UACA: variants seen among roughly 807,000 people sequenced by gnomAD.
UACA encodes the protein uveal autoantigen with coiled-coil domains and ankyrin repeats.
A neutral mutation model predicts 160.5 loss-of-function variants in UACA; 112 were observed. That is an observed-to-expected ratio of 0.70 (90% CI 0.60 to 0.82). The LOEUF (loss-of-function observed/expected upper bound fraction) is 0.82, where lower values mean the gene tolerates loss of function less well. Among genes scored for constraint, UACA ranks in the 40% least tolerant of loss-of-function variants. UACA has a pLI of 0.00. For synonymous variants in UACA, 557 were observed against 568.4 expected, an observed-to-expected ratio of 0.98 and a Z score of 0.29; for missense variants, 1,574 against 1,614.6, an observed-to-expected ratio of 0.97 and a Z score of 0.43.
At chr15:70,754,041 A>G (rs1368106935) in intron 1 of UACA, 1 of 446,900 alleles carries the variant, frequency 2.2e-6, no homozygotes. Context: ...CCTGACCTCA[A>G]GTGATCCGCC....
chr15:70,687,530 A>G lies in UACA; in HGVS notation c.602+10T>C. The stretch of plus-strand genomic sequence containing the variant: ...CAGCTGGTATCTGGGAGCCATGATA[A>G]AAGAATTACCTGTTTTGTTTGTCTC... On this transcript the variant is annotated intron_variant, in intron 7 of 18. Transcript: ENST00000322954. 6 of 1,613,098 alleles carry G rather than the reference A, an allele frequency of 3.7e-6. No individual in the cohort carries two copies. The highest frequency in any genetic ancestry group is 3.3e-5 in the South Asian group (3 of 91,024).
Position 70,666,710 on chromosome 15 carries a change from T to C in UACA, c.3960+14A>G. The stretch of plus-strand genomic sequence containing the variant: ...GTTTCCAACACATAGCCGTGCAGAC[T>C]ACTTTGTACCTACCTTATTATCTTT... On this transcript the variant is annotated intron_variant, in intron 16 of 18. Transcript: ENST00000322954. 1.3e-6 allele frequency: 2 copies of C among 1,574,400 alleles called. No homozygotes were observed. The highest frequency in any genetic ancestry group is 1.2e-5 in the South Asian group (1 of 83,168).
chr15:70,767,242 AAAAAAAAAAAAAAACAAAAAAC>A (rs1318537535), upstream of UACA, among the ~76,000 whole-genome samples: 7 of 135,154 alleles, frequency 5.2e-5, no homozygotes, highest in Non-Finnish European at 1.1e-4. Flanking sequence ...TCCATCTCAA[AAAAAAAAAAAAAAACAAAAAAC>A]AAAAACAAAA....
Position 70,667,860 on chromosome 15 carries a change from C to T in UACA, c.2824G>A (p.Val942Met). 6 of 1,614,040 alleles carry T rather than the reference C, an allele frequency of 3.7e-6. No homozygotes were observed. The highest frequency in any genetic ancestry group is 5.1e-6 in the Non-Finnish European group (6 of 1,179,988). ...MSSLSQSMRK[V>M]QDSNAEILAN... is the part of the protein sequence containing the mutation. ...AAGATTTCAGCATTACTATCCTGCA[C>T]CTTTCTCATGCTCTGACTTAGCGAG... Residue 942 changes from valine (V) to methionine (M), a missense_variant, in exon 16 of 19, where the codon GTG (valine) becomes ATG (methionine). Coordinates refer to ENST00000322954, the MANE Select transcript of UACA (RefSeq NM_018003.4).
intron 1 of UACA, among the ~76,000 whole-genome samples, chr15:70,735,332 C>T (rs976785466): frequency 2.0e-5 from 3 of 151,260 alleles, no homozygotes; most frequent in African/African-American, 7.3e-5. Flanking sequence ...GCATATGTAC[C>T]CCTGAATCTA....
intron 1 of UACA, among the ~76,000 whole-genome samples, chr15:70,736,360 A>T (rs969228836): frequency 2.0e-5 from 3 of 152,182 alleles, no homozygotes; most frequent in African/African-American, 7.2e-5. Flanking sequence ...TACTCTAAAA[A>T]TTATATTTTA....
chr15:70,668,526 C>CA lies in UACA; in HGVS notation c.2157dup (p.Glu720Ter), dbSNP rs1451108300. ...AGCTTATTATCCAAATAAACTTTTT[C>CA]AATTTCCTTTTGTAGTGTCTGATTT... On this transcript the variant is annotated frameshift_variant, in exon 16 of 19. Transcript: ENST00000322954. LOFTEE classifies it high-confidence loss of function. 6.2e-7 allele frequency: 1 copy of CA among 1,609,236 alleles called. No individual in the cohort carries two copies. Among genetic ancestry groups the CA allele is most frequent in the South Asian group, 1.1e-5 (1 of 89,620 alleles).
intron 15 of UACA, among the ~76,000 whole-genome samples, 183 bp downstream of exon 15, chr15:70,670,856 A>G (rs1325374142): frequency 6.6e-6 from 1 of 152,156 alleles, no homozygotes; most frequent in Admixed American, 6.6e-5. Flanking sequence ...TCTAGAGGGC[A>G]CCAGAAACAG....
At chr15:70,759,057 T>C (rs1272944729) in intron 1 of UACA, among the ~76,000 whole-genome samples, 1 of 152,154 alleles carries the variant, frequency 6.6e-6, no homozygotes, top group Non-Finnish European at 1.5e-5. Flanking sequence ...GTATTTTTTG[T>C]GGAGATAGGA....
At position 70,661,983 on chromosome 15, in the gene UACA, T is replaced by A. The variant is rs573191891; in HGVS notation, c.4114-1767A>T. ...GGATGCCCTCTCTCGCCACTCCTAT[T>A]CAACATAGTATTGGAAGTTCTGGCC... On this transcript the variant is annotated intron_variant, in intron 17 of 18. Coordinates refer to ENST00000322954, the MANE Select transcript of UACA (RefSeq NM_018003.4). Among the ~76,000 whole-genome samples, 491 of 152,256 alleles carry A rather than the reference T, an allele frequency of 3.2e-3. 3 individuals are homozygous for A. The highest frequency in any genetic ancestry group is 3.8e-3 in the Non-Finnish European group (261 of 68,022).
intron 8 of UACA, among the ~76,000 whole-genome samples, chr15:70,683,500 A>G (rs1429593353): frequency 6.6e-6 from 1 of 152,206 alleles, no homozygotes; most frequent in Admixed American, 6.5e-5. Context: ...AGGGTAATAA[A>G]AATATACTAA....
chr15:70,671,063 A>T lies in UACA; in HGVS notation c.1197T>A (p.Gly399=). The part of the protein sequence containing the change: ...NRKEDMLLKQ[G]QMYMADSQCT... ...CCTGTGAGTCTGCCATATACATCTG[A>T]CCTTGTTTAAGAAGCATATCTTCTT... The change falls in exon 15 of 19, where the codon GGT becomes GGA. Residue 399 remains glycine (G), a synonymous_variant. Transcript: ENST00000322954. 1 of 1,593,344 alleles carries T rather than the reference A, an allele frequency of 6.3e-7. No individual in the cohort carries two copies. The highest frequency in any genetic ancestry group is 8.6e-7 in the Non-Finnish European group (1 of 1,169,546).
intron 1 of UACA, among the ~76,000 whole-genome samples, chr15:70,749,860 T>C (rs1595923347): frequency 6.6e-6 from 1 of 152,128 alleles, no homozygotes; most frequent in Admixed American, 6.6e-5. Flanking sequence ...AATATAAATA[T>C]GTGCACTTCA....
intron 1 of UACA, among the ~76,000 whole-genome samples, chr15:70,704,535 G>A (rs1257065219): frequency 6.6e-6 from 1 of 152,148 alleles, no homozygotes; most frequent in Admixed American, 6.5e-5. Flanking sequence ...TCAGAATTTT[G>A]CCTGACTCAA....
chr15:70,687,891 C>T, intron 5 of UACA, 71 bp from the exon 6 acceptor site: 3 of 1,436,966 alleles, frequency 2.1e-6, no homozygotes, highest in African/African-American at 1.4e-5. Flanking sequence ...TTTCTAGGTC[C>T]ATATAAGGAA....
At chr15:70,709,619 T>C (rs1898622128) in intron 1 of UACA, among the ~76,000 whole-genome samples, 1 of 152,184 alleles carries the variant, frequency 6.6e-6, no homozygotes, top group South Asian at 2.1e-4. Flanking sequence ...TTAAAAACTT[T>C]ACATCTAGAC....
At chr15:70,709,911 G>A (rs900890594) in intron 1 of UACA, among the ~76,000 whole-genome samples, 5 of 152,172 alleles carry the variant, frequency 3.3e-5, no homozygotes, top group Admixed American at 1.3e-4. Flanking sequence ...TTAAAGCCAA[G>A]AGGAGTCATC....
intron 2 of UACA, among the ~76,000 whole-genome samples, chr15:70,695,962 A>C (rs767115841): frequency 4.6e-5 from 7 of 152,356 alleles, no homozygotes; most frequent in South Asian, 4.1e-4. Flanking sequence ...CTGACATTGA[A>C]TATTACTCTA....
intron 12 of UACA, 126 bp downstream of exon 12, chr15:70,676,982 A>C: frequency 1.4e-6 from 1 of 717,266 alleles, no homozygotes; most frequent in East Asian, 2.7e-5. Context: ...TAGATTTTGA[A>C]TTTCCCTTTA....
Sources: gnomAD v4.1 joint callset for allele counts (sites outside exome capture counted in the v4.1 genomes callset) on GRCh38, gnomAD v4.1.1 for gene constraint, MANE v1.5 for transcripts, NCBI Gene and HGNC (gene_info 2026-07-23, HGNC 2026-07-21) for gene names.